Variants in BMP2K observed in about 807,000 individuals in gnomAD.
BMP2K encodes the protein BMP2 inducible kinase.
A neutral mutation model predicts 116.0 loss-of-function variants in BMP2K; 74 were observed. That is an observed-to-expected ratio of 0.64 (90% CI 0.53 to 0.77). The LOEUF is 0.77. Among genes scored for constraint, BMP2K ranks in the 30% least tolerant of loss-of-function variants. BMP2K has a pLI of 0.00. For synonymous variants in BMP2K, 486 were observed against 502.5 expected (o/e 0.97, Z 0.44); for missense variants, 1,365 against 1,403.6 (o/e 0.97, Z 0.44).
At chr4:78,799,260 G>T (rs567511696) in intron 1 of BMP2K, among the ~76,000 whole-genome samples, 2 of 147,490 alleles carry the variant, frequency 1.4e-5, no homozygotes, top group Non-Finnish European at 1.5e-5. Context: ...TTGATTGTCC[G>T]TTTTTTTTTT....
chr4:78,793,858 T>G (rs1304873724), intron 1 of BMP2K, among the ~76,000 whole-genome samples: 1 of 151,274 alleles, frequency 6.6e-6, no homozygotes, highest in Admixed American at 6.6e-5. Flanking sequence ...TTAAAACTAA[T>G]TTTACAGTTT....
At chr4:78,816,731 T>A (rs1174253433) in intron 1 of BMP2K, among the ~76,000 whole-genome samples, 2 of 152,176 alleles carry the variant, frequency 1.3e-5, no homozygotes, top group Non-Finnish European at 2.9e-5. Context: ...TTAGTGTATG[T>A]TAGTTATAAT....
chr4:78,808,677 A>G (rs904771407), intron 1 of BMP2K, among the ~76,000 whole-genome samples: 1 of 152,126 alleles, frequency 6.6e-6, no homozygotes, highest in African/African-American at 2.4e-5. Context: ...GATTCACCTG[A>G]AAGTATTTTC....
At chr4:78,809,065 C>T (rs951733067) in intron 1 of BMP2K, among the ~76,000 whole-genome samples, 2 of 152,186 alleles carry the variant, frequency 1.3e-5, no homozygotes, top group South Asian at 4.1e-4. Flanking sequence ...TCTCCAACTA[C>T]TATTGTATAA....
Position 78,872,850 on chromosome 4 carries a change from A to T in BMP2K, c.1793+52A>T, listed in dbSNP as rs775662431. On this transcript the variant is annotated intron_variant, in intron 13 of 15. Transcript: ENST00000502613. ...GGAAATTATTGTGGAAGTGGAAGTC[A>T]TCGTTGAATGGTCGGTCATTAAGTT... 27 of 1,543,420 alleles carry T rather than the reference A, an allele frequency of 1.7e-5. No individual in the cohort carries two copies. In the South Asian group the frequency reaches 2.1e-4, roughly 12 times the overall value.
chr4:78,892,634 A>G (rs1473790031), intron 15 of BMP2K, among the ~76,000 whole-genome samples: 1 of 152,230 alleles, frequency 6.6e-6, no homozygotes, highest in African/African-American at 2.4e-5. Flanking sequence ...TTTAAATACA[A>G]GCATACTTTG....
At chr4:78,864,577 C>A (rs1731955329) in intron 9 of BMP2K, among the ~76,000 whole-genome samples, 1 of 150,684 alleles carries the variant, frequency 6.6e-6, no homozygotes, top group Non-Finnish European at 1.5e-5. Flanking sequence ...TTTGGTACCT[C>A]TTGGAAAGAT....
chr4:78,850,701 A>G (rs922384259), intron 6 of BMP2K, among the ~76,000 whole-genome samples: 2 of 151,974 alleles, frequency 1.3e-5, no homozygotes, highest in Admixed American at 1.3e-4. Context: ...TTACGATACC[A>G]TTAATTCAGC....
At chr4:78,806,840 C>CT (rs1038770824) in intron 1 of BMP2K, among the ~76,000 whole-genome samples, 6,218 of 128,210 alleles carry the variant, frequency 0.048, 350 homozygotes, top group African/African-American at 0.14. Flanking sequence ...CTTATCTTTT[C>CT]TTTTTTTTTT....
chr4:78,802,654 C>A (rs1231646175), intron 1 of BMP2K, among the ~76,000 whole-genome samples: 1 of 152,268 alleles, frequency 6.6e-6, no homozygotes, highest in Non-Finnish European at 1.5e-5. Flanking sequence ...ATCCCTCTGA[C>A]TACCCCAGTT....
chr4:78,860,431 T>C (rs991295448), intron 8 of BMP2K, among the ~76,000 whole-genome samples: 2 of 151,924 alleles, frequency 1.3e-5, no homozygotes, highest in Non-Finnish European at 2.9e-5. Context: ...TAAGTTACTT[T>C]AATGTCCATT....
At chr4:78,834,332 G>C (rs910108387) in intron 3 of BMP2K, among the ~76,000 whole-genome samples, 10 of 151,450 alleles carry the variant, frequency 6.6e-5, no homozygotes, top group Admixed American at 1.3e-4. Flanking sequence ...TGCGATCTCG[G>C]CTCACTACCA....
At chr4:78,834,690 T>A (rs779772351) in intron 3 of BMP2K, among the ~76,000 whole-genome samples, 2 of 152,198 alleles carry the variant, frequency 1.3e-5, no homozygotes, top group Non-Finnish European at 2.9e-5. Context: ...AAGTAATGAT[T>A]GTTAATTACT....
intron 15 of BMP2K, among the ~76,000 whole-genome samples, chr4:78,900,148 G>C (rs11941655): frequency 0.027 from 4,133 of 152,220 alleles, 158 homozygotes; most frequent in African/African-American, 0.088. Context: ...AAGACGATGA[G>C]GATGAGGACC....
rs542732985 is a variant in BMP2K at position 78,892,578 on chromosome 4, A to G, written c.2062+5294A>G. Among the ~76,000 whole-genome samples the G allele has an allele frequency of 2.6e-5, 4 of 152,192 alleles. No homozygotes were observed. The South Asian group carries it at 6.2e-4, about 24-fold the overall frequency. ...AAAATTTTTATGTTTTCTTCTACCT[A>G]TTTCAGGAATAATTTGCTACTCTTT... On this transcript the variant is annotated intron_variant, in intron 15 of 15. Coordinates refer to ENST00000502613, the MANE Select transcript of BMP2K (RefSeq NM_198892.2).
intron 1 of BMP2K, 21 bp downstream of exon 1, chr4:78,776,742 T>C: frequency 1.1e-6 from 1 of 874,102 alleles, no homozygotes; most frequent in Non-Finnish European, 1.5e-6. Context: ...CCGGGGAGGC[T>C]CGGACAGGCA....
intron 9 of BMP2K, among the ~76,000 whole-genome samples, chr4:78,864,175 A>G (rs1013493364): frequency 3.8e-4 from 58 of 152,146 alleles, no homozygotes; most frequent in South Asian, 2.1e-4. Context: ...GAATCTGTAA[A>G]GAGGGTTTAG....
intron 1 of BMP2K, among the ~76,000 whole-genome samples, chr4:78,783,177 TA>T (rs1472476664): frequency 1.3e-5 from 2 of 152,250 alleles, no homozygotes; most frequent in African/African-American, 4.8e-5. Flanking sequence ...GTTAGATAAT[TA>T]TGTGTCCCTC....
chr4:78,860,014 A>T (rs1215187399), intron 8 of BMP2K: 1 of 511,462 alleles, frequency 2.0e-6, no homozygotes, highest in Admixed American at 2.2e-5. Context: ...CAGGACTGTT[A>T]GTTTTTTTTT....
Sources: gnomAD v4.1 joint callset for allele counts (sites outside exome capture counted in the v4.1 genomes callset) on GRCh38, gnomAD v4.1.1 for gene constraint, MANE v1.5 for transcripts, NCBI Gene and HGNC (gene_info 2026-07-23, HGNC 2026-07-21) for gene names.